PCDH11X: variants seen among roughly 807,000 people sequenced by gnomAD.
PCDH11X encodes the protein protocadherin-11 X-linked.
PCDH11X carries 18 observed loss-of-function variants against 53.3 expected under a neutral mutation model. That is an observed-to-expected ratio of 0.34 (90% CI 0.23 to 0.50). The LOEUF (loss-of-function observed/expected upper bound fraction) is 0.50, where lower values mean the gene tolerates loss of function less well. Ranked by LOEUF, PCDH11X falls within the 20% of genes least tolerant of loss-of-function variation. The pLI is 0.98. For synonymous variants in PCDH11X, 279 were observed against 393.3 expected, an observed-to-expected ratio of 0.71 and a Z score of 3.44; for missense variants, 570 against 1,032.4, an observed-to-expected ratio of 0.55 and a Z score of 6.14.
chrX:92,240,747 C>A (rs2067248906), intron 7 of PCDH11X, among the ~76,000 whole-genome samples: 1 of 111,314 alleles, frequency 9.0e-6, no homozygotes, highest in Admixed American at 9.6e-5. Context: ...TCAACTTTCC[C>A]AATCATAATA....
At chrX:91,813,583 C>T (rs1936358131) in intron 4 of PCDH11X, among the ~76,000 whole-genome samples, 1 of 106,020 alleles carries the variant, frequency 9.4e-6, no homozygotes, top group Non-Finnish European at 1.9e-5. Context: ...ACCTTGAATG[C>T]TAGGCCTCAG....
At chrX:92,531,716 T>C (rs1380734844) in intron 10 of PCDH11X, among the ~76,000 whole-genome samples, 1 of 109,548 alleles carries the variant, frequency 9.1e-6, no homozygotes, top group Admixed American at 9.8e-5. Flanking sequence ...TCTGAGCTTT[T>C]CTGGATTTAG....
At chrX:92,218,685 C>G (rs1250909848) in intron 7 of PCDH11X, among the ~76,000 whole-genome samples, 1 of 111,328 alleles carries the variant, frequency 9.0e-6, no homozygotes, top group East Asian at 2.8e-4. Flanking sequence ...GAATCCTCCC[C>G]AACTCATTTT....
intron 7 of PCDH11X, among the ~76,000 whole-genome samples, chrX:92,205,335 T>C (rs2066456466): frequency 2.7e-5 from 3 of 111,879 alleles, no homozygotes; most frequent in African/African-American, 9.7e-5. Context: ...CATAATATAA[T>C]AATCCCACCT....
chrX:91,905,216 A>G lies in PCDH11X; in HGVS notation c.3033+25943A>G, dbSNP rs757923543. Among the ~76,000 whole-genome samples, 4 of 107,940 alleles carry G rather than the reference A, an allele frequency of 3.7e-5. No homozygotes were observed. In the South Asian group the frequency reaches 1.6e-3, roughly 44 times the overall value. The allele number at this position is 107,940 out of a possible 115,157, so 93.7% of individuals were successfully genotyped here. ...GCAATCTCGGCTCACTGCAGCCTCA[A>G]CCTCCCAGGCTCAACCTCTTTTACT... On this transcript the variant is annotated intron_variant, in intron 6 of 10. Coordinates refer to ENST00000682573, the MANE Select transcript of PCDH11X (RefSeq NM_032968.5).
chrX:92,581,384 C>T (rs1362622489), intron 10 of PCDH11X, among the ~76,000 whole-genome samples: 4 of 111,060 alleles, frequency 3.6e-5, no homozygotes, highest in Admixed American at 9.6e-5. Context: ...AATTGAGTAA[C>T]GGGGATAGCT....
At chrX:92,351,047 G>A (rs1230054496) in intron 8 of PCDH11X, among the ~76,000 whole-genome samples, 6 of 111,967 alleles carry the variant, frequency 5.4e-5, no homozygotes, top group East Asian at 2.8e-4. Flanking sequence ...GAAAGAACTC[G>A]TGAGATAATT....
At chrX:92,062,318 A>G (rs1197805073) in intron 6 of PCDH11X, among the ~76,000 whole-genome samples, 1 of 110,929 alleles carries the variant, frequency 9.0e-6, no homozygotes, top group Non-Finnish European at 1.9e-5. Context: ...TCTTTTATTT[A>G]TTTCTATTGT....
At chrX:92,107,011 C>T (rs768309594) in intron 6 of PCDH11X, among the ~76,000 whole-genome samples, 5 of 111,826 alleles carry the variant, frequency 4.5e-5, no homozygotes, top group Admixed American at 9.5e-5. Flanking sequence ...ATGATAAAAT[C>T]GAGGTCTCCA....
At chrX:91,977,613 C>G (rs967491333) in intron 6 of PCDH11X, among the ~76,000 whole-genome samples, 25 of 110,522 alleles carry the variant, frequency 2.3e-4, no homozygotes, top group Non-Finnish European at 4.0e-4. Flanking sequence ...GTAGCAGGAA[C>G]AGTCAGTCTC....
intron 9 of PCDH11X, among the ~76,000 whole-genome samples, chrX:92,394,983 T>A (rs1205319717): frequency 2.7e-5 from 3 of 111,458 alleles, no homozygotes; most frequent in Non-Finnish European, 5.7e-5. Flanking sequence ...TTTCTGTGAT[T>A]TTTTAGTTTA....
intron 7 of PCDH11X, among the ~76,000 whole-genome samples, chrX:92,218,206 C>T (rs1354175427): frequency 9.1e-6 from 1 of 110,236 alleles, no homozygotes; most frequent in Non-Finnish European, 1.9e-5. Context: ...CAGAGCAGAA[C>T]TGAAGGAAAT....
At chrX:91,873,222 A>G (rs1231571165) in intron 5 of PCDH11X, among the ~76,000 whole-genome samples, 3 of 110,766 alleles carry the variant, frequency 2.7e-5, no homozygotes, top group Non-Finnish European at 5.7e-5. Flanking sequence ...AGGATAGTAC[A>G]GTTCAATAGA....
chrX:92,132,669 G>GTATATATATATATA (rs1230739543), intron 6 of PCDH11X, among the ~76,000 whole-genome samples: 1 of 51,615 alleles, frequency 1.9e-5, no homozygotes. Flanking sequence ...ATATATATAT[G>GTATATATATATATA]TATATGTATA....
chrX:91,823,322 G>T (rs1396320743), intron 4 of PCDH11X, among the ~76,000 whole-genome samples: 1 of 110,463 alleles, frequency 9.1e-6, no homozygotes, highest in Non-Finnish European at 1.9e-5. Flanking sequence ...TCTCTTTGTA[G>T]GTCACTCAGG....
chrX:92,575,046 A>G (rs1270018158), intron 10 of PCDH11X, among the ~76,000 whole-genome samples: 1 of 111,153 alleles, frequency 9.0e-6, no homozygotes, highest in African/African-American at 3.3e-5. Context: ...TGCTTAAAAT[A>G]TAAGAAAAAC....
intron 6 of PCDH11X, among the ~76,000 whole-genome samples, chrX:92,084,395 A>G (rs1411690828): frequency 9.2e-6 from 1 of 108,592 alleles, no homozygotes; most frequent in East Asian, 2.9e-4. Flanking sequence ...TAAAAATACA[A>G]AATTAGCCGG....
At position 92,236,125 on chromosome X, in the gene PCDH11X, T is replaced by C. The variant is rs147121454; in HGVS notation, c.3115-26989T>C. Among the ~76,000 whole-genome samples the C allele has an allele frequency of 3.6e-3, 401 of 111,410 alleles. 4 individuals carry two copies. The highest frequency in any genetic ancestry group is 0.012 in the African/African-American group (375 of 30,750). On this transcript the variant is annotated intron_variant, in intron 7 of 10. Transcript: ENST00000682573. ...ATCTGAATTTGCTTATCCAAATATA[T>C]CTTAAGTAGATTTGATTACTGTGAC...
intron 8 of PCDH11X, among the ~76,000 whole-genome samples, chrX:92,287,543 G>A (rs1198962383): frequency 9.0e-6 from 1 of 111,454 alleles, no homozygotes; most frequent in African/African-American, 3.3e-5. Flanking sequence ...CATTTAATGT[G>A]CTCATTCAAT....
Sources: allele counts gnomAD v4.1 joint callset (sites outside exome capture counted in the v4.1 genomes callset), GRCh38; gene constraint gnomAD v4.1.1; transcripts MANE v1.5; gene names NCBI Gene and HGNC (gene_info 2026-07-23, HGNC 2026-07-21).